AUTS2: variants seen among roughly 807,000 people sequenced by gnomAD.
AUTS2 encodes the protein autism susceptibility gene 2 protein.
AUTS2 carries 17 observed loss-of-function variants against 112.4 expected under a neutral mutation model. The observed-to-expected ratio is 0.15, with a 90% CI of 0.10 to 0.23. The LOEUF is 0.23. Ranked by LOEUF, AUTS2 falls within the 10% of genes least tolerant of loss-of-function variation. AUTS2 has a pLI of 1.00. For missense variants in AUTS2, 1,510 were observed against 1,701.6 expected, an observed-to-expected ratio of 0.89 and a Z score of 1.98; for synonymous variants, 751 against 702.7, an observed-to-expected ratio of 1.07 and a Z score of -1.09.
chr7:70,528,995 A>G (rs1285948453), intron 5 of AUTS2, among the ~76,000 whole-genome samples: 2 of 152,194 alleles, frequency 1.3e-5, no homozygotes, highest in Non-Finnish European at 2.9e-5. Context: ...ATGGCCATGT[A>G]TAAACACCAC....
intron 1 of AUTS2, among the ~76,000 whole-genome samples, chr7:69,740,225 T>C (rs116655874): frequency 5.1e-4 from 77 of 149,728 alleles, no homozygotes; most frequent in African/African-American, 1.9e-3. Context: ...GTGGACATGA[T>C]TGGCTGTAGC....
chr7:69,764,956 CTT>C (rs1206359656), intron 1 of AUTS2, among the ~76,000 whole-genome samples: 1 of 152,192 alleles, frequency 6.6e-6, no homozygotes, highest in Non-Finnish European at 1.5e-5. Context: ...GTCTTTCTCC[CTT>C]TCTTTCCAGG....
intron 2 of AUTS2, among the ~76,000 whole-genome samples, chr7:70,062,750 C>T (rs547700056): frequency 1.3e-5 from 2 of 152,228 alleles, no homozygotes; most frequent in African/African-American, 4.8e-5. Flanking sequence ...CTTACCTCAC[C>T]TTACTCTGTT....
At chr7:70,338,444 G>A (rs1419033617) in intron 4 of AUTS2, among the ~76,000 whole-genome samples, 5 of 152,186 alleles carry the variant, frequency 3.3e-5, no homozygotes, top group Admixed American at 2.0e-4. Flanking sequence ...AATTTCACAA[G>A]AAGTTTTCTC....
At chr7:69,615,344 C>T (rs964419329) in intron 1 of AUTS2, among the ~76,000 whole-genome samples, 16 of 152,244 alleles carry the variant, frequency 1.1e-4, no homozygotes, top group African/African-American at 3.9e-4. Flanking sequence ...GCTCTATCGC[C>T]CAGGCTGGAG....
At chr7:70,123,117 C>G (rs1481341464) in intron 3 of AUTS2, among the ~76,000 whole-genome samples, 1 of 151,988 alleles carries the variant, frequency 6.6e-6, no homozygotes, top group African/African-American at 2.4e-5. Context: ...CTCAGGTGAT[C>G]CATCCACCTT....
chr7:70,208,615 C>T (rs1049195436), intron 4 of AUTS2, among the ~76,000 whole-genome samples: 1 of 151,964 alleles, frequency 6.6e-6, no homozygotes, highest in African/African-American at 2.4e-5. Context: ...AAAGACGTAA[C>T]ATTCCAGGGT....
At chr7:70,141,246 G>A (rs1279428893) in intron 4 of AUTS2, among the ~76,000 whole-genome samples, 1 of 152,132 alleles carries the variant, frequency 6.6e-6, no homozygotes, top group Non-Finnish European at 1.5e-5. Flanking sequence ...AGGGAATGTT[G>A]GTTGATTACA....
At chr7:69,811,111 T>G (rs1176409561) in intron 1 of AUTS2, among the ~76,000 whole-genome samples, 1 of 152,240 alleles carries the variant, frequency 6.6e-6, no homozygotes, top group East Asian at 1.9e-4. Flanking sequence ...GGCCAGAGTG[T>G]TTTTACTCTG....
chr7:70,712,329 T>A (rs1810105707), intron 6 of AUTS2, among the ~76,000 whole-genome samples: 1 of 148,778 alleles, frequency 6.7e-6, no homozygotes. Context: ...ATTACAGGCA[T>A]GAGCCACCAC....
chr7:70,375,559 A>T (rs1487477608), intron 4 of AUTS2, among the ~76,000 whole-genome samples: 1 of 152,250 alleles, frequency 6.6e-6, no homozygotes, highest in Non-Finnish European at 1.5e-5. Flanking sequence ...AAAGCAAAGT[A>T]AATATGTAAT....
chr7:69,907,921 G>A (rs558339796), intron 2 of AUTS2, among the ~76,000 whole-genome samples: 1 of 152,280 alleles, frequency 6.6e-6, no homozygotes, highest in South Asian at 2.1e-4. Flanking sequence ...GTTTGCTAAA[G>A]CATTAGTAGC....
chr7:70,226,968 G>A (rs901750972), intron 4 of AUTS2, among the ~76,000 whole-genome samples: 1 of 152,146 alleles, frequency 6.6e-6, no homozygotes, highest in Non-Finnish European at 1.5e-5. Flanking sequence ...AGCCTTTTAA[G>A]TGAGTACAGC....
intron 1 of AUTS2, among the ~76,000 whole-genome samples, chr7:69,722,398 A>ATTTTT: frequency 6.9e-6 from 1 of 144,566 alleles, no homozygotes; most frequent in African/African-American, 2.6e-5. Flanking sequence ...TTTTTTTGAG[A>ATTTTT]CCAAGTCTCG....
At chr7:70,597,736 T>A (rs1803276145) in intron 5 of AUTS2, among the ~76,000 whole-genome samples, 1 of 152,200 alleles carries the variant, frequency 6.6e-6, no homozygotes, top group Non-Finnish European at 1.5e-5. Flanking sequence ...TAACCCTACA[T>A]TGGGATGCAC....
chr7:70,037,246 G>A (rs1485362043), intron 2 of AUTS2, among the ~76,000 whole-genome samples: 6 of 152,192 alleles, frequency 3.9e-5, no homozygotes, highest in Non-Finnish European at 8.8e-5. Flanking sequence ...TTGGAGGAAG[G>A]AAATGTGGAG....
At chr7:69,655,921 TG>T (rs1562789664) in intron 1 of AUTS2, among the ~76,000 whole-genome samples, 1 of 152,186 alleles carries the variant, frequency 6.6e-6, no homozygotes, top group Admixed American at 6.5e-5. Flanking sequence ...ACAAGTTGTA[TG>T]GGGCAGAGGA....
intron 4 of AUTS2, among the ~76,000 whole-genome samples, chr7:70,345,539 G>C (rs1791456850): frequency 6.6e-6 from 1 of 151,956 alleles, no homozygotes; most frequent in African/African-American, 2.4e-5. Flanking sequence ...CTTCTTATAG[G>C]GGCAGTTTCA....
At chr7:70,542,502 C>T (rs1800592544) in intron 5 of AUTS2, among the ~76,000 whole-genome samples, 1 of 152,212 alleles carries the variant, frequency 6.6e-6, no homozygotes. Flanking sequence ...GCAAGGCTAG[C>T]AGTTACGCCA....
Sources: gnomAD v4.1 joint callset for allele counts (sites outside exome capture counted in the v4.1 genomes callset) on GRCh38, gnomAD v4.1.1 for gene constraint, MANE v1.5 for transcripts, NCBI Gene and HGNC (gene_info 2026-07-23, HGNC 2026-07-21) for gene names.